Variants in SMOC1 observed in about 807,000 individuals in gnomAD.
The protein encoded by SMOC1 is SPARC-related modular calcium-binding protein 1.
A neutral mutation model predicts 56.3 loss-of-function variants in SMOC1; 22 were observed. The ratio of observed to expected loss-of-function variants is 0.39; its 90% CI spans 0.28 to 0.56. The LOEUF is 0.56. SMOC1 is among the 20% of genes least tolerant of loss of function. The pLI, the probability that SMOC1 is intolerant of heterozygous loss-of-function variation, is 0.61. For synonymous variants in SMOC1, 193 were observed against 215.0 expected (o/e 0.90, Z 0.89); for missense variants, 509 against 565.4 (o/e 0.90, Z 1.01).
intron 1 of SMOC1, among the ~76,000 whole-genome samples, chr14:69,945,311 G>T (rs1051562682): frequency 6.6e-6 from 1 of 152,210 alleles, no homozygotes; most frequent in African/African-American, 2.4e-5. Flanking sequence ...GCTAATGGTG[G>T]TGTTTAAAAT....
chr14:69,902,296 A>T (rs1478081255), intron 1 of SMOC1, among the ~76,000 whole-genome samples: 1 of 152,184 alleles, frequency 6.6e-6, no homozygotes, highest in Non-Finnish European at 1.5e-5. Context: ...CTTATAATAT[A>T]TTGTGAACAC....
intron 1 of SMOC1, among the ~76,000 whole-genome samples, chr14:69,885,129 A>C (rs1329300946): frequency 1.3e-5 from 2 of 152,046 alleles, no homozygotes; most frequent in Non-Finnish European, 2.9e-5. Context: ...AATGTTTTAG[A>C]TATTTGTTAT....
At chr14:69,968,408 G>T (rs1320773426) in intron 3 of SMOC1, among the ~76,000 whole-genome samples, 1 of 152,190 alleles carries the variant, frequency 6.6e-6, no homozygotes, top group African/African-American at 2.4e-5. Flanking sequence ...CTCAGATTCT[G>T]ATGGAGAGAG....
chr14:70,013,839 C>G (rs1885418449), intron 10 of SMOC1, among the ~76,000 whole-genome samples: 1 of 152,138 alleles, frequency 6.6e-6, no homozygotes, highest in African/African-American at 2.4e-5. Context: ...ATCATGGGAA[C>G]AGGGAGGCAG....
chr14:69,896,752 T>C (rs78270389), intron 1 of SMOC1, among the ~76,000 whole-genome samples: 20,830 of 152,214 alleles, frequency 0.14, 1,986 homozygotes, highest in African/African-American at 0.27. Flanking sequence ...AGGGAGGATG[T>C]TCCTTGGCAT....
chr14:70,011,461 C>A, intron 8 of SMOC1, 24 bp from the exon 9 acceptor site: 4 of 1,560,856 alleles, frequency 2.6e-6, no homozygotes, highest in Non-Finnish European at 3.5e-6. Context: ...CCTCCCAACC[C>A]CCCCCATATC....
chr14:69,982,957 C>T (rs1311882160), intron 5 of SMOC1, among the ~76,000 whole-genome samples: 1 of 152,248 alleles, frequency 6.6e-6, no homozygotes, highest in Non-Finnish European at 1.5e-5. Flanking sequence ...TTCTGGTTCT[C>T]CGAGCCGCCT....
intron 4 of SMOC1, among the ~76,000 whole-genome samples, chr14:69,976,517 A>G (rs1253428276): frequency 1.3e-5 from 2 of 152,246 alleles, no homozygotes; most frequent in Non-Finnish European, 2.9e-5. Context: ...GGGTTAGGCC[A>G]TAGCAAAAAT....
At chr14:69,956,447 G>GATT (rs1566687786) in intron 3 of SMOC1, among the ~76,000 whole-genome samples, 1 of 114,426 alleles carries the variant, frequency 8.7e-6, no homozygotes, top group African/African-American at 3.6e-5. Context: ...ACTTAGCTGG[G>GATT]CTTTTTTTTT....
At chr14:69,975,934 T>G in intron 4 of SMOC1, 120 bp downstream of exon 4, 1 of 723,642 alleles carries the variant, frequency 1.4e-6, no homozygotes, top group Non-Finnish European at 2.5e-6. Flanking sequence ...TTTTTCTAGA[T>G]CAGGGAGGAT....
chr14:69,945,468 A>T (rs1034095065), intron 1 of SMOC1, among the ~76,000 whole-genome samples: 2 of 152,214 alleles, frequency 1.3e-5, no homozygotes, highest in African/African-American at 4.8e-5. Flanking sequence ...GTCATCATGG[A>T]TAAGACAGGA....
At chr14:69,896,731 G>A (rs557397321) in intron 1 of SMOC1, among the ~76,000 whole-genome samples, 6 of 152,300 alleles carry the variant, frequency 3.9e-5, no homozygotes, top group African/African-American at 1.4e-4. Flanking sequence ...CTTTTAAATG[G>A]AAGTCAGTGG....
intron 1 of SMOC1, among the ~76,000 whole-genome samples, chr14:69,920,916 A>G (rs1884821791): frequency 6.6e-6 from 1 of 152,116 alleles, no homozygotes; most frequent in Non-Finnish European, 1.5e-5. Context: ...CTCATTGTTT[A>G]AACTAGTTCA....
intron 7 of SMOC1, among the ~76,000 whole-genome samples, chr14:70,002,020 C>T (rs569419920): frequency 2.0e-5 from 3 of 152,262 alleles, no homozygotes; most frequent in South Asian, 4.1e-4. Flanking sequence ...TTAGCCTTGC[C>T]AAGGAAGCCC....
At position 70,023,198 on chromosome 14, in the gene SMOC1, C is replaced by G. The variant is rs1462882719; in HGVS notation, c.1047-5C>G. On this transcript the variant is annotated splice_region_variant and splice_polypyrimidine_tract_variant and intron_variant, in intron 10 of 11. Transcript: ENST00000361956. Reference sequence around the variant, plus strand: ...CTGCGGTGGGGGTGTTTGTCCATGGCCCAGGTTCTCAGAGCCAGACCCCAG... The same window carrying G: ...CTGCGGTGGGGGTGTTTGTCCATGGGCCAGGTTCTCAGAGCCAGACCCCAG... 12 of 1,614,018 alleles carry G rather than the reference C, an allele frequency of 7.4e-6. No individual in the cohort carries two copies. Among genetic ancestry groups the G allele is most frequent in the Non-Finnish European group, 1.0e-5 (12 of 1,180,000 alleles).
At chr14:69,897,048 CA>C (rs1043431954) in intron 1 of SMOC1, among the ~76,000 whole-genome samples, 2 of 152,312 alleles carry the variant, frequency 1.3e-5, no homozygotes, top group South Asian at 2.1e-4. Flanking sequence ...TTTCTGGGAT[CA>C]GGGGTCAGGC....
At position 69,879,708 on chromosome 14, in the gene SMOC1, C is replaced by T. The variant is rs756473086; in HGVS notation, c.30C>T (p.Leu10=). The part of the protein sequence containing the change: MLPARCARL[L]TPHLLLVLVQ... ...TGCCCGCGCGCTGCGCCCGCCTGCT[C>T]ACGCCCCACTTGCTGCTGGTGTTGG... is the stretch of plus-strand genomic sequence containing the variant. The change falls in exon 1 of 12, where the codon CTC becomes CTT. Residue 10 remains leucine (L), a synonymous_variant. Transcript: ENST00000361956. 3.2e-6 allele frequency: 5 copies of T among 1,585,890 alleles called. No homozygotes were observed. In the African/African-American group the frequency reaches 5.4e-5, roughly 17 times the overall value.
chr14:69,975,195 C>A (rs1298884696), intron 3 of SMOC1, among the ~76,000 whole-genome samples: 5 of 152,012 alleles, frequency 3.3e-5, no homozygotes, highest in Non-Finnish European at 7.4e-5. Context: ...ATACAAAAAT[C>A]AGCCTGGTGT....
chr14:69,909,763 A>G (rs1477727209), intron 1 of SMOC1, among the ~76,000 whole-genome samples: 1 of 152,216 alleles, frequency 6.6e-6, no homozygotes, highest in Non-Finnish European at 1.5e-5. Context: ...CACTTAAAAA[A>G]TCTGTATTCT....
Sources: allele counts gnomAD v4.1 joint callset (sites outside exome capture counted in the v4.1 genomes callset), GRCh38; gene constraint gnomAD v4.1.1; transcripts MANE v1.5; gene names NCBI Gene and HGNC (gene_info 2026-07-23, HGNC 2026-07-21).